GALNTL6: variants seen among roughly 807,000 people sequenced by gnomAD.
GALNTL6 encodes the protein polypeptide N-acetylgalactosaminyltransferase-like 6.
GALNTL6 carries 46 observed loss-of-function variants against 73.7 expected under a neutral mutation model. The ratio of observed to expected loss-of-function variants is 0.62; its 90% CI spans 0.49 to 0.80. The LOEUF is 0.80. Among genes scored for constraint, GALNTL6 ranks in the 30% least tolerant of loss-of-function variants. The pLI, the probability that GALNTL6 is intolerant of heterozygous loss-of-function variation, is 0.00. For missense variants in GALNTL6, 604 were observed against 755.0 expected (o/e 0.80, Z 2.34); for synonymous variants, 259 against 263.7 (o/e 0.98, Z 0.17).
intron 5 of GALNTL6, among the ~76,000 whole-genome samples, chr4:172,763,423 A>C (rs980801010): frequency 1.8e-4 from 27 of 152,242 alleles, no homozygotes; most frequent in Non-Finnish European, 4.0e-4. Flanking sequence ...TAACAGTTAG[A>C]TGCCCTTAAG....
intron 3 of GALNTL6, among the ~76,000 whole-genome samples, chr4:172,308,613 G>C (rs1740242550): frequency 6.6e-6 from 1 of 152,132 alleles, no homozygotes; most frequent in Admixed American, 6.5e-5. Flanking sequence ...TTTTAGTTCT[G>C]TGTATGTGGT....
At chr4:171,965,425 G>T (rs1160676552) in intron 2 of GALNTL6, among the ~76,000 whole-genome samples, 2 of 152,040 alleles carry the variant, frequency 1.3e-5, no homozygotes, top group African/African-American at 4.8e-5. Flanking sequence ...GGGAAACCGA[G>T]GCGGGCGGAT....
At chr4:172,075,261 T>C (rs1315429098) in intron 2 of GALNTL6, among the ~76,000 whole-genome samples, 1 of 152,184 alleles carries the variant, frequency 6.6e-6, no homozygotes, top group Non-Finnish European at 1.5e-5. Flanking sequence ...TATAGGATTT[T>C]TTTTCTGGAT....
At chr4:172,057,321 G>A (rs1731044904) in intron 2 of GALNTL6, among the ~76,000 whole-genome samples, 1 of 151,916 alleles carries the variant, frequency 6.6e-6, no homozygotes. Context: ...GGCTGAGGTG[G>A]AAGGATCACT....
chr4:171,838,215 C>T (rs1234568979), intron 2 of GALNTL6, among the ~76,000 whole-genome samples: 2 of 151,862 alleles, frequency 1.3e-5, no homozygotes, highest in African/African-American at 2.4e-5. Context: ...CCTCTGTCTC[C>T]CAGGTTCAAG....
chr4:171,972,335 C>A (rs1049692222), intron 2 of GALNTL6, among the ~76,000 whole-genome samples: 1 of 151,946 alleles, frequency 6.6e-6, no homozygotes, highest in Non-Finnish European at 1.5e-5. Flanking sequence ...TTTCATAAAT[C>A]ATTTCAATAT....
At chr4:172,808,285 A>G (rs1385852303) in intron 5 of GALNTL6, among the ~76,000 whole-genome samples, 3 of 152,376 alleles carry the variant, frequency 2.0e-5, no homozygotes, top group East Asian at 3.8e-4. Flanking sequence ...AGAAACTCCA[A>G]TACGGAGTAA....
At chr4:172,041,035 A>T (rs775956654) in intron 2 of GALNTL6, among the ~76,000 whole-genome samples, 8 of 152,088 alleles carry the variant, frequency 5.3e-5, no homozygotes, top group Admixed American at 1.3e-4. Flanking sequence ...TCACAATGGC[A>T]TTATTAAAAG....
intron 2 of GALNTL6, among the ~76,000 whole-genome samples, chr4:171,897,225 T>C (rs923121636): frequency 1.3e-5 from 2 of 152,164 alleles, no homozygotes; most frequent in African/African-American, 2.4e-5. Flanking sequence ...TAATTCATTG[T>C]GGAATGGATA....
At chr4:172,060,058 T>G (rs78725720) in intron 2 of GALNTL6, among the ~76,000 whole-genome samples, 5,628 of 152,284 alleles carry the variant, frequency 0.037, 143 homozygotes, top group Non-Finnish European at 0.061. Context: ...ATGAGAAAGC[T>G]CAGTCACAAA....
intron 2 of GALNTL6, among the ~76,000 whole-genome samples, chr4:172,142,423 A>T (rs1733825229): frequency 6.6e-6 from 1 of 152,096 alleles, no homozygotes; most frequent in Non-Finnish European, 1.5e-5. Context: ...GATTGCAATC[A>T]GCATGTTACA....
intron 5 of GALNTL6, among the ~76,000 whole-genome samples, chr4:172,739,660 A>G (rs1320117475): frequency 1.3e-5 from 2 of 152,298 alleles, no homozygotes; most frequent in East Asian, 3.9e-4. Context: ...GATAGTACCC[A>G]GGATGTAAGA....
chr4:172,207,106 T>C (rs1164348896), intron 2 of GALNTL6, among the ~76,000 whole-genome samples: 6 of 152,002 alleles, frequency 3.9e-5, no homozygotes, highest in Non-Finnish European at 5.9e-5. Context: ...CCGCCGTGCC[T>C]GGCCGAAACG....
chr4:172,254,307 CA>C, intron 3 of GALNTL6, among the ~76,000 whole-genome samples: 1 of 151,656 alleles, frequency 6.6e-6, no homozygotes, highest in African/African-American at 2.4e-5. Flanking sequence ...ATAAGTGAAA[CA>C]AAAAAGTAGT....
At chr4:172,727,292 A>G (rs1403423509) in intron 5 of GALNTL6, among the ~76,000 whole-genome samples, 2 of 152,186 alleles carry the variant, frequency 1.3e-5, no homozygotes, top group African/African-American at 4.8e-5. Context: ...AAAGTCATAT[A>G]CTTTACACCA....
At chr4:171,967,551 T>C (rs557673588) in intron 2 of GALNTL6, among the ~76,000 whole-genome samples, 12 of 152,026 alleles carry the variant, frequency 7.9e-5, no homozygotes, top group Non-Finnish European at 1.8e-4. Flanking sequence ...GTTCTTTAAT[T>C]ATCAGCTGGT....
At chr4:172,413,970 T>C (rs1201688911) in intron 5 of GALNTL6, among the ~76,000 whole-genome samples, 1 of 152,202 alleles carries the variant, frequency 6.6e-6, no homozygotes, top group Non-Finnish European at 1.5e-5. Flanking sequence ...GAAGGAACTT[T>C]ATGAGCCTGT....
chr4:172,845,216 C>CAAAAA (rs11336973), intron 7 of GALNTL6, among the ~76,000 whole-genome samples: 22 of 90,832 alleles, frequency 2.4e-4, no homozygotes, highest in African/African-American at 4.2e-4. Flanking sequence ...GTCTCTGTCT[C>CAAAAA]AAAAAAAAAA....
intron 2 of GALNTL6, among the ~76,000 whole-genome samples, chr4:172,172,962 G>A (rs1189951105): frequency 6.6e-6 from 1 of 152,162 alleles, no homozygotes; most frequent in Non-Finnish European, 1.5e-5. Context: ...AAGTGTTAAC[G>A]GGAGGTCAAG....
Sources: allele counts gnomAD v4.1 joint callset (sites outside exome capture counted in the v4.1 genomes callset), GRCh38; gene constraint gnomAD v4.1.1; transcripts MANE v1.5; gene names NCBI Gene and HGNC (gene_info 2026-07-23, HGNC 2026-07-21).